The following RGL1 variants were observed in gnomAD, a reference collection of about 807,000 sequenced individuals.
RGL1 encodes ral guanine nucleotide dissociation stimulator like 1.
RGL1 carries 24 observed loss-of-function variants against 95.2 expected under a neutral mutation model. The ratio of observed to expected loss-of-function variants is 0.25; its 90% CI spans 0.18 to 0.35. RGL1 has a LOEUF of 0.35. Ranked by LOEUF, RGL1 falls within the 10% of genes least tolerant of loss-of-function variation. The probability of loss-of-function intolerance (pLI) is 1.00; values close to 1 mark genes in which losing one functional copy is unlikely to be tolerated. For synonymous variants in RGL1, 329 were observed against 344.9 expected (o/e 0.95, Z 0.51); for missense variants, 715 against 936.3 (o/e 0.76, Z 3.08).
chr1:183,828,520 G>A (rs550636967), intron 2 of RGL1, among the ~76,000 whole-genome samples: 50 of 152,250 alleles, frequency 3.3e-4, no homozygotes, highest in African/African-American at 1.1e-3. Flanking sequence ...TGCTCCTTCC[G>A]TGAGGCTTTG....
At chr1:183,665,351 T>A (rs1017713978) in intron 1 of RGL1, among the ~76,000 whole-genome samples, 14 of 150,632 alleles carry the variant, frequency 9.3e-5, no homozygotes, top group Non-Finnish European at 1.3e-4. Context: ...TCTGTAGTTT[T>A]CTTGTAATGT....
chr1:183,914,856 G>A (rs566916440), intron 15 of RGL1, among the ~76,000 whole-genome samples: 6 of 152,078 alleles, frequency 3.9e-5, no homozygotes, highest in Admixed American at 3.9e-4. Context: ...GGAACATGAA[G>A]GCGAAAAAAT....
chr1:183,657,011 C>CAAAAAAAAAA (rs1278009517), intron 1 of RGL1, among the ~76,000 whole-genome samples: 1 of 124,656 alleles, frequency 8.0e-6, no homozygotes, highest in Non-Finnish European at 1.7e-5. Context: ...AAAATCGACT[C>CAAAAAAAAAA]AAAAAAAAAA....
intron 2 of RGL1, among the ~76,000 whole-genome samples, chr1:183,834,905 A>G (rs1050392763): frequency 2.6e-5 from 4 of 151,856 alleles, no homozygotes; most frequent in African/African-American, 9.7e-5. Flanking sequence ...CTAGTCCTGA[A>G]CTCCTGACCT....
intron 13 of RGL1, among the ~76,000 whole-genome samples, chr1:183,905,577 G>C (rs1473833689): frequency 6.6e-6 from 1 of 152,206 alleles, no homozygotes; most frequent in Non-Finnish European, 1.5e-5. Context: ...ACAAGCAAAA[G>C]CTTGGTGGCC....
intron 1 of RGL1, among the ~76,000 whole-genome samples, chr1:183,662,828 T>G (rs1651741515): frequency 1.3e-5 from 2 of 152,126 alleles, no homozygotes; most frequent in African/African-American, 2.4e-5. Flanking sequence ...AAGGCTACAG[T>G]AACCAAAACA....
chr1:183,742,982 C>G (rs951656013), intron 2 of RGL1, among the ~76,000 whole-genome samples: 2 of 152,070 alleles, frequency 1.3e-5, no homozygotes, highest in Non-Finnish European at 2.9e-5. Flanking sequence ...CTTTTCAGCT[C>G]AGCAAATAAA....
In RGL1 at chr1:183,637,315, A is replaced by G. The variant is rs1393832221; in HGVS notation, c.-33+814A>G. On this transcript the variant is annotated intron_variant, in intron 1 of 18. Transcript: ENST00000304685. ...CCTAGAAGAGATGGAAAGATTCTGA[A>G]GGGCAGAAACAGTTTTTCTTTTGTA... is the stretch of plus-strand genomic sequence containing the variant. 2.0e-5 allele frequency among the ~76,000 whole-genome samples: 3 copies of G among 152,324 alleles called. No homozygotes were observed. In the East Asian group the frequency reaches 5.8e-4, roughly 29 times the overall value.
chr1:183,867,898 A>G (rs4651156), intron 4 of RGL1, among the ~76,000 whole-genome samples: 97,100 of 152,118 alleles, frequency 0.64, 32,937 homozygotes, highest in East Asian at 0.88. Context: ...GTGAAAGTAG[A>G]AAGCTGAGTA....
chr1:183,906,111 A>C (rs543084445), intron 13 of RGL1, among the ~76,000 whole-genome samples: 3 of 152,216 alleles, frequency 2.0e-5, no homozygotes, highest in Non-Finnish European at 2.9e-5. Flanking sequence ...ATAAGTATTT[A>C]CAAAAAAAAA....
rs1177946107 is a variant in RGL1 at position 183,654,958 on chromosome 1, A to C, written c.-33+18457A>C. On this transcript the variant is annotated intron_variant, in intron 1 of 18. Coordinates refer to the RGL1 transcript ENST00000304685. The stretch of plus-strand genomic sequence containing the variant: ...CATCAGGAGGAAATGAAAGGCCTTT[A>C]CCATGGTTCCTGTTCACAGTGAAAT... Among the ~76,000 whole-genome samples, 6 of 152,330 alleles carry C rather than the reference A, an allele frequency of 3.9e-5. No homozygotes were observed. The South Asian group carries it at 6.2e-4, about 16-fold the overall frequency.
chr1:183,728,743 A>G (rs1656453630), intron 1 of RGL1, among the ~76,000 whole-genome samples: 1 of 152,220 alleles, frequency 6.6e-6, no homozygotes, highest in South Asian at 2.1e-4. Flanking sequence ...CACTTACTGT[A>G]AAGATACAGC....
rs61621950 is a variant in RGL1, at chr1:183,729,184, ATGTGTG to A, written c.-32-12924_-32-12919del. On this transcript the variant is annotated intron_variant, in intron 1 of 18. Transcript: ENST00000304685. ...TAGACCTCAGACAGATAAAATATAT[ATGTGTG>A]TGTGTGTGTGTGTGTGTATACTATT... 2.3e-3 allele frequency among the ~76,000 whole-genome samples: 339 copies of A among 150,466 alleles called. 7 individuals carry two copies. The East Asian group carries it at 0.043, about 19-fold the overall frequency.
chr1:183,721,977 C>T (rs1656035182), intron 1 of RGL1, among the ~76,000 whole-genome samples: 1 of 152,180 alleles, frequency 6.6e-6, no homozygotes, highest in Non-Finnish European at 1.5e-5. Flanking sequence ...GATTCAGCAT[C>T]TGTGGATTGC....
intron 2 of RGL1, among the ~76,000 whole-genome samples, chr1:183,785,111 A>G (rs1176829113): frequency 6.6e-6 from 1 of 152,162 alleles, no homozygotes; most frequent in African/African-American, 2.4e-5. Flanking sequence ...ACTTTTTAAA[A>G]TGCAAGTCTT....
Position 183,912,732 on chromosome 1 carries a change from T to C in RGL1, c.1749+464T>C, listed in dbSNP as rs1277978291. Among the ~76,000 whole-genome samples the C allele has an allele frequency of 5.9e-5, 9 of 152,338 alleles. No homozygotes were observed. The East Asian group carries it at 1.7e-3, about 29-fold the overall frequency. On this transcript the variant is annotated intron_variant, in intron 15 of 17. Transcript: ENST00000360851. Reference sequence around the variant, plus strand: ...GGCTGATCTAGGTTGGGCTTGACACTAGGCCACAGATTTGGTCCAGGTCTG... The same window carrying C: ...GGCTGATCTAGGTTGGGCTTGACACCAGGCCACAGATTTGGTCCAGGTCTG...
At chr1:183,669,356 T>G (rs1002803128) in intron 1 of RGL1, among the ~76,000 whole-genome samples, 1 of 152,216 alleles carries the variant, frequency 6.6e-6, no homozygotes, top group African/African-American at 2.4e-5. Flanking sequence ...TCTTTTTTGC[T>G]TTTAGAATTT....
intron 8 of RGL1, 36 bp downstream of exon 8, chr1:183,888,613 C>A: frequency 7.4e-7 from 1 of 1,354,816 alleles, no homozygotes; most frequent in Non-Finnish European, 1.1e-6. Context: ...TTTTCTTTGG[C>A]CGGGATAATT....
intron 1 of RGL1, among the ~76,000 whole-genome samples, chr1:183,689,265 A>G (rs1284934242): frequency 6.6e-6 from 1 of 152,180 alleles, no homozygotes; most frequent in Non-Finnish European, 1.5e-5. Flanking sequence ...TACTTAGTTC[A>G]TGTAAATAAT....
Sources: gnomAD v4.1 joint callset for allele counts (sites outside exome capture counted in the v4.1 genomes callset) on GRCh38, gnomAD v4.1.1 for gene constraint, MANE v1.5 for transcripts, NCBI Gene and HGNC (gene_info 2026-07-23, HGNC 2026-07-21) for gene names.